IGDCC4: variants seen among roughly 807,000 people sequenced by gnomAD.
IGDCC4 encodes likely ortholog of mouse neighbor of Punc E11.
In IGDCC4, 72 loss-of-function variants were observed where a neutral mutation model predicts 116.6. The observed-to-expected ratio is 0.62, with a 90% CI of 0.51 to 0.75. The LOEUF (loss-of-function observed/expected upper bound fraction) is 0.75. Among genes scored for constraint, IGDCC4 ranks in the 30% least tolerant of loss-of-function variants. The pLI is 0.00. For missense variants in IGDCC4, 1,501 were observed against 1,662.4 expected, an observed-to-expected ratio of 0.90 and a Z score of 1.69; for synonymous variants, 709 against 719.9, an observed-to-expected ratio of 0.98 and a Z score of 0.24.
At chr15:65,397,482 T>C (rs887336618) in intron 5 of IGDCC4, among the ~76,000 whole-genome samples, 17 of 152,056 alleles carry the variant, frequency 1.1e-4, no homozygotes, top group African/African-American at 3.4e-4. Flanking sequence ...GCAATGCAAA[T>C]AGCCAAGAAA....
At chr15:65,417,542 TC>T (rs1337213843) in intron 1 of IGDCC4, among the ~76,000 whole-genome samples, 1 of 152,200 alleles carries the variant, frequency 6.6e-6, no homozygotes, top group Non-Finnish European at 1.5e-5. Flanking sequence ...TAGACACCTC[TC>T]CTTTTTCTGC....
In IGDCC4 at chr15:65,410,202, T is replaced by C; in HGVS notation, c.539A>G (p.Gln180Arg). 1.9e-6 allele frequency: 3 copies of C among 1,613,578 alleles called. No individual in the cohort carries two copies. The highest frequency in any genetic ancestry group is 8.5e-7 in the Non-Finnish European group (1 of 1,180,014). Reference protein sequence around the residue: ...PAPIITWEKDQVTLPEEPRLI... With the variant: ...PAPIITWEKDRVTLPEEPRLI... The stretch of plus-strand genomic sequence containing the variant: ...CCGAGGCTCCTCAGGCAATGTCACC[T>C]GGTCCTTCTCCCAAGTAATGATGGG... Residue 180 changes from glutamine to arginine, a missense_variant, in exon 3 of 20, where the codon CAG (glutamine) becomes CGG (arginine). Transcript: ENST00000352385.
In IGDCC4 at chr15:65,392,184, C is replaced by G. The variant is rs760588383; in HGVS notation, c.2072G>C (p.Gly691Ala). Residue 691 changes from glycine (G) to alanine (A), a missense_variant, in exon 11 of 20, where the codon GGG becomes GCG. Transcript: ENST00000352385. ...GGRGDQAWDV[G>A]PVRLKKKVKQ... ...CACTTTCTTCTTGAGCCGGACAGGCCCCACATCCCAAGCCTGGTCTCCACG... is the reference window on the plus strand; with the variant it reads ...CACTTTCTTCTTGAGCCGGACAGGCGCCACATCCCAAGCCTGGTCTCCACG... 1.9e-6 allele frequency: 3 copies of G among 1,613,840 alleles called. No homozygotes were observed. Among genetic ancestry groups the G allele is most frequent in the Middle Eastern group, 1.7e-4 (1 of 6,060 alleles).
intron 3 of IGDCC4, among the ~76,000 whole-genome samples, chr15:65,406,229 G>A (rs1039539732): frequency 1.3e-5 from 2 of 152,180 alleles, no homozygotes; most frequent in African/African-American, 4.8e-5. Context: ...AAGTGTTGCT[G>A]GTTTTCCATT....
intron 1 of IGDCC4, among the ~76,000 whole-genome samples, chr15:65,414,060 A>C (rs2063121862): frequency 6.6e-6 from 1 of 152,192 alleles, no homozygotes; most frequent in African/African-American, 2.4e-5. Flanking sequence ...CATGCGCCTC[A>C]GTCTCTGCCA....
rs957277173 is a variant in IGDCC4 at position 65,393,650 on chromosome 15, C to T, written c.1715-119G>A. ...CCTCCGTGCCCGTGGGAGCCTGAGGCGTTCTCAGCACTGACCCCTCAGTGC... is the reference window on the plus strand; with the variant it reads ...CCTCCGTGCCCGTGGGAGCCTGAGGTGTTCTCAGCACTGACCCCTCAGTGC... On this transcript the variant is annotated intron_variant, in intron 9 of 19. Transcript: ENST00000352385. This position sits in a 1 kb window ranked among gnomAD's most constrained non-coding sequence, Gnocchi z 4.6. 9.6e-6 allele frequency: 10 copies of T among 1,046,756 alleles called. No individual in the cohort carries two copies. The highest frequency in any genetic ancestry group is 3.2e-5 in the African/African-American group (2 of 62,456). 64.8% of individuals were successfully genotyped at this position (1,046,756 alleles called of 1,614,324 possible).
Position 65,400,946 on chromosome 15 carries a change from C to G in IGDCC4, c.701G>C (p.Gly234Ala), listed in dbSNP as rs530831196. The change falls in exon 5 of 20, where the codon GGG becomes GCG. Residue 234 changes from glycine (G) to alanine (A), a missense_variant and splice_region_variant. By Grantham distance (60) the Gly-to-Ala change is moderately conservative. Around this residue, in one of 3 missense-constraint regions of IGDCC4, gnomAD observed 898 missense variants for 978.9 expected, o/e 0.92. Coordinates refer to ENST00000352385, the MANE Select transcript of IGDCC4 (RefSeq NM_020962.3). ...CTGCCCCCTGGTGGACGCCAGGGAC[C>G]CTGGCGAGAAGACAGACCAGCAGGC... ...QEALLSVAHR[G>A]SLASTRGQDV... 6.2e-7 allele frequency: 1 copy of G among 1,614,046 alleles called. No individual in the cohort carries two copies. The highest frequency in any genetic ancestry group is 1.7e-5 in the Admixed American group (1 of 60,030).
intron 12 of IGDCC4, among the ~76,000 whole-genome samples, chr15:65,390,844 C>T (rs1180676264): frequency 6.6e-6 from 1 of 152,090 alleles, no homozygotes; most frequent in Non-Finnish European, 1.5e-5. Context: ...AGAGCAAGAA[C>T]CTTATTTGTG....
intron 18 of IGDCC4, 21 bp from the exon 19 acceptor site, chr15:65,385,136 G>A (rs755735966): frequency 6.4e-7 from 1 of 1,557,084 alleles, no homozygotes; most frequent in South Asian, 1.1e-5. Flanking sequence ...GAAAGAAGGG[G>A]ACAGTAAGGG....
In IGDCC4 at chr15:65,384,982, A is replaced by C. The variant is rs765213321; in HGVS notation, c.3314T>G (p.Leu1105Arg). Residue 1105 changes from leucine (L) to arginine (R), a missense_variant, in exon 19 of 20, where the codon CTG (leucine) becomes CGG (arginine). This residue lies in a region of IGDCC4 where 368 missense variants were observed against 355.6 expected (regional missense o/e 1.03). Transcript: ENST00000352385. The surrounding 1 kb of genome is among the most constrained non-coding windows in gnomAD (Gnocchi z 4.9). Reference protein sequence around the residue: ...PPAGTGQTLLLQALVYDAIKG... With the variant: ...PPAGTGQTLLRQALVYDAIKG... ...TATGGCGTCGTACACCAGAGCCTGC[A>C]GCAACAGCGTCTGCCCAGTTCCAGC... 6.2e-7 allele frequency: 1 copy of C among 1,611,058 alleles called. No individual in the cohort carries two copies. Among genetic ancestry groups the C allele is most frequent in the East Asian group, 2.2e-5 (1 of 44,634 alleles).
chr15:65,385,198 G>C, intron 18 of IGDCC4, 83 bp from the exon 19 acceptor site: 1 of 1,378,386 alleles, frequency 7.3e-7, no homozygotes, highest in South Asian at 1.3e-5. Flanking sequence ...GAATTGGGAT[G>C]GGCCGCGGGG....
intron 1 of IGDCC4, among the ~76,000 whole-genome samples, chr15:65,412,681 T>G (rs1273794129): frequency 6.6e-6 from 1 of 151,820 alleles, no homozygotes; most frequent in Non-Finnish European, 1.5e-5. Flanking sequence ...ATCCCAACAC[T>G]TTGTGAGGTT....
chr15:65,389,491 C>A (rs1292729010), intron 13 of IGDCC4, 80 bp from the exon 14 acceptor site: 6 of 1,589,174 alleles, frequency 3.8e-6, no homozygotes, highest in East Asian at 2.2e-5. Context: ...TACTCCCCTG[C>A]AGTCAGCCCC....
chr15:65,397,098 C>T (rs981490366), intron 5 of IGDCC4, 109 bp from the exon 6 acceptor site: 1 of 1,335,992 alleles, frequency 7.5e-7, no homozygotes, highest in Middle Eastern at 1.9e-4. Context: ...ACACAACCGT[C>T]CCTGGTCCGA....
At chr15:65,413,024 ATG>A (rs59690408) in intron 1 of IGDCC4, among the ~76,000 whole-genome samples, 18,051 of 145,758 alleles carry the variant, frequency 0.12, 1,142 homozygotes, top group Middle Eastern at 0.16. Flanking sequence ...GTGTGAGAAA[ATG>A]TGTGTGTGTG....
intron 5 of IGDCC4, among the ~76,000 whole-genome samples, chr15:65,399,988 A>G (rs2062969182): frequency 1.3e-5 from 2 of 152,212 alleles, no homozygotes; most frequent in Admixed American, 6.5e-5. Context: ...TACCAAAAAG[A>G]GAACAGACTT....
At chr15:65,396,266 C>G in intron 6 of IGDCC4, 103 bp from the exon 7 acceptor site, 1 of 1,267,820 alleles carries the variant, frequency 7.9e-7, no homozygotes, top group Non-Finnish European at 1.1e-6. Context: ...CCCTCGCTCC[C>G]CTTCCAATCA....
chr15:65,398,651 G>A (rs547011080), intron 5 of IGDCC4, among the ~76,000 whole-genome samples: 5 of 152,244 alleles, frequency 3.3e-5, no homozygotes, highest in South Asian at 2.1e-4. Flanking sequence ...GGCCAAGGTG[G>A]GCGGATCACG....
In IGDCC4 at chr15:65,384,704, C is replaced by T. The variant is rs2091436130; in HGVS notation, c.3342+250G>A. 3 of 538,148 alleles carry T rather than the reference C, an allele frequency of 5.6e-6. No individual in the cohort carries two copies. Among genetic ancestry groups the T allele is most frequent in the Non-Finnish European group, 9.5e-6 (3 of 316,478 alleles). 33.3% of individuals were successfully genotyped at this position (538,148 alleles called of 1,614,324 possible). ...ACTCAGGCCAGCCACACCCTCAGAT[C>T]CACGGAACTGCTGTGGCCCACTTAG... On this transcript the variant is annotated intron_variant, in intron 19 of 19. Coordinates refer to ENST00000352385, the MANE Select transcript of IGDCC4 (RefSeq NM_020962.3). This position sits in a 1 kb window ranked among gnomAD's most constrained non-coding sequence, Gnocchi z 4.9.
Sources: gnomAD v4.1 joint callset for allele counts (sites outside exome capture counted in the v4.1 genomes callset) on GRCh38, gnomAD v4.1.1 for gene constraint, gnomAD v4.1.1 regional missense constraint, Gnocchi (gnomAD v3.1) non-coding constraint, MANE v1.5 for transcripts, NCBI Gene and HGNC (gene_info 2026-07-23, HGNC 2026-07-21) for gene names.